The following PCDHGA3 variants were observed in gnomAD, a reference collection of about 807,000 sequenced individuals.
PCDHGA3 encodes protocadherin gamma-A3.
PCDHGA3 carries 40 observed loss-of-function variants against 58.5 expected under a neutral mutation model. The observed-to-expected ratio is 0.68, with a 90% CI of 0.53 to 0.89. The LOEUF is 0.89. PCDHGA3 is among the 40% of genes least tolerant of loss of function. PCDHGA3 has a pLI of 0.00. For missense variants in PCDHGA3, 1,223 were observed against 1,195.9 expected, an observed-to-expected ratio of 1.02 and a Z score of -0.33; for synonymous variants, 530 against 525.7, an observed-to-expected ratio of 1.01 and a Z score of -0.11.
intron 1 of PCDHGA3, chr5:141,441,480 T>A (rs1679700290): frequency 5.9e-6 from 1 of 170,298 alleles, no homozygotes. Flanking sequence ...CCAACGACAA[T>A]GCTCTGGTTT....
At position 141,344,770 on chromosome 5, in the gene PCDHGA3, A is replaced by G. The variant is rs1199721120; in HGVS notation, c.737A>G (p.Glu246Gly). ...AACCCACCAATGTTTACTCAGCCTG[A>G]GTACCGTGTGAGTGTTTGGGAGAAC... ...NDNPPMFTQP[E>G]YRVSVWENVP... is the part of the protein sequence containing the mutation. Residue 246 changes from glutamate (E) to glycine (G), a missense_variant, in exon 1 of 4, where the codon GAG (glutamate) becomes GGG (glycine). This residue lies in a region of PCDHGA3 where 791 missense variants were observed against 708.5 expected (regional missense o/e 1.12). Coordinates refer to ENST00000253812, the MANE Select transcript of PCDHGA3 (RefSeq NM_018916.4). 1.2e-6 allele frequency: 2 copies of G among 1,613,984 alleles called. No homozygotes were observed. Among genetic ancestry groups the G allele is most frequent in the East Asian group, 2.2e-5 (1 of 44,886 alleles).
intron 1 of PCDHGA3, chr5:141,430,556 C>A (rs1479639096): frequency 9.7e-6 from 4 of 413,394 alleles, no homozygotes; most frequent in African/African-American, 2.1e-5. Flanking sequence ...GTTCACCAAT[C>A]GGGGAGAGAA....
At chr5:141,403,131 C>A (rs1377543238) in intron 1 of PCDHGA3, 2 of 1,613,916 alleles carry the variant, frequency 1.2e-6, no homozygotes, top group East Asian at 4.5e-5. Context: ...CGGGAGCTGG[C>A]GGAGCGCCGA....
At chr5:141,410,722 ATCC>A (rs2154543211) in intron 1 of PCDHGA3, 21 of 1,396,054 alleles carry the variant, frequency 1.5e-5, no homozygotes, top group Non-Finnish European at 2.0e-5. Context: ...TATGTTTAAA[ATCC>A]ATAGCTTTTT....
intron 1 of PCDHGA3, among the ~76,000 whole-genome samples, chr5:141,438,621 TATATATATATATATAC>T (rs1472935962): frequency 0.016 from 652 of 41,356 alleles, 15 homozygotes; most frequent in East Asian, 0.15. Flanking sequence ...TATATATATA[TATATATATATATATAC>T]ACACACACAC....
intron 1 of PCDHGA3, among the ~76,000 whole-genome samples, chr5:141,465,966 C>T (rs904439039): frequency 5.3e-5 from 8 of 151,802 alleles, no homozygotes; most frequent in Non-Finnish European, 1.0e-4. Context: ...ACTAAAAATA[C>T]AAAAAATTAG....
At position 141,490,027 on chromosome 5, in the gene PCDHGA3, C is replaced by T. The variant is rs767829552; in HGVS notation, c.2425-4780C>T. Reference sequence around the variant, plus strand: ...TGCACCCATTGGTACTCTGCTGCTCCGCCTCAATGCCACTGATCCAGACGA... The same window carrying T: ...TGCACCCATTGGTACTCTGCTGCTCTGCCTCAATGCCACTGATCCAGACGA... On this transcript the variant is annotated intron_variant, in intron 1 of 3. Coordinates refer to ENST00000253812, the MANE Select transcript of PCDHGA3 (RefSeq NM_018916.4). This position sits in a 1 kb window ranked among gnomAD's most constrained non-coding sequence, Gnocchi z 5.4. The T allele has an allele frequency of 2.4e-5, 39 of 1,614,096 alleles. No homozygotes were observed. The highest frequency in any genetic ancestry group is 4.0e-5 in the African/African-American group (3 of 74,942).
chr5:141,419,447 C>T (rs754931078), intron 1 of PCDHGA3: 8 of 1,613,016 alleles, frequency 5.0e-6, no homozygotes, highest in Non-Finnish European at 4.2e-6. Flanking sequence ...CACCTTCGAG[C>T]TCACGCTGCA....
At position 141,448,827 on chromosome 5, in the gene PCDHGA3, C is replaced by T. The variant is rs540550537; in HGVS notation, c.2425-45980C>T. ...AGGCGTGATGGCGGGCGCCTGTAGT[C>T]CCAGCTACTCTGGAGGCTGAGGCAG... On this transcript the variant is annotated intron_variant, in intron 1 of 3. Transcript: ENST00000253812. Among the ~76,000 whole-genome samples the T allele has an allele frequency of 1.6e-4, 25 of 152,108 alleles. No homozygotes were observed. In the South Asian group the frequency reaches 4.2e-3, roughly 25 times the overall value.
intron 2 of PCDHGA3, among the ~76,000 whole-genome samples, chr5:141,495,507 C>T (rs1380258502): frequency 6.6e-6 from 1 of 152,188 alleles, no homozygotes; most frequent in African/African-American, 2.4e-5. Context: ...TCCGTCTTTG[C>T]CACTTTCTCT....
Position 141,422,340 on chromosome 5 carries a change from T to C in PCDHGA3, c.2425-72467T>C, listed in dbSNP as rs776306472. ...CAGGTACAGTGATTGCTCTTCTAAA[T>C]GTGCAAGATCAAGATTCTGGAGAAA... On this transcript the variant is annotated intron_variant, in intron 1 of 3. Transcript: ENST00000253812. 2.6e-6 allele frequency: 4 copies of C among 1,550,190 alleles called. 1 individual carries two copies. Among genetic ancestry groups the C allele is most frequent in the Non-Finnish European group, 3.5e-6 (4 of 1,154,238 alleles).
In PCDHGA3 at chr5:141,408,237, G is replaced by C. The variant is rs1445060280; in HGVS notation, c.2424+61780G>C. 3.2e-6 allele frequency: 5 copies of C among 1,575,002 alleles called. No individual in the cohort carries two copies. In the South Asian group the frequency reaches 4.6e-5, roughly 14 times the overall value. On this transcript the variant is annotated intron_variant, in intron 1 of 3. Transcript: ENST00000253812. ...AGCTGCGCGCAGAGGCGCCGGGCCG[G>C]CCCGCGGCAGGTGCTATTTCCTTTG...
At chr5:141,506,735 G>A (rs1467217136) in intron 3 of PCDHGA3, among the ~76,000 whole-genome samples, 1 of 152,098 alleles carries the variant, frequency 6.6e-6, no homozygotes, top group Non-Finnish European at 1.5e-5. Context: ...TTAGAATAAT[G>A]CCTATTAATA....
At chr5:141,464,279 C>CAA (rs373828487) in intron 1 of PCDHGA3, among the ~76,000 whole-genome samples, 8,568 of 137,664 alleles carry the variant, frequency 0.062, 499 homozygotes, top group African/African-American at 0.16. Context: ...AAAAAAAAAG[C>CAA]AAAAAAAAAA....
chr5:141,474,412 C>T (rs1282336092), intron 1 of PCDHGA3, among the ~76,000 whole-genome samples: 2 of 152,220 alleles, frequency 1.3e-5, no homozygotes, highest in African/African-American at 2.4e-5. Context: ...CCGGTGATGC[C>T]TAGACCATTG....
chr5:141,357,514 C>T (rs563793307), intron 1 of PCDHGA3: 19 of 1,614,136 alleles, frequency 1.2e-5, no homozygotes, highest in Non-Finnish European at 1.6e-5. Flanking sequence ...GATCTTCTCC[C>T]AACCCAGCTA....
chr5:141,355,157 C>T (rs1220655708), intron 1 of PCDHGA3: 1 of 1,555,036 alleles, frequency 6.4e-7, no homozygotes, highest in Non-Finnish European at 8.7e-7. Context: ...CAGGCCTCGA[C>T]AGAGGGAAAA....
intron 1 of PCDHGA3, among the ~76,000 whole-genome samples, chr5:141,460,252 A>T (rs1342135416): frequency 6.6e-6 from 1 of 151,974 alleles, no homozygotes; most frequent in African/African-American, 2.4e-5. Flanking sequence ...AATTTTGATA[A>T]AGCCCAATTT....
chr5:141,448,204 C>G (rs757249025), intron 1 of PCDHGA3, among the ~76,000 whole-genome samples: 28 of 152,124 alleles, frequency 1.8e-4, no homozygotes, highest in South Asian at 4.1e-4. Flanking sequence ...CAAACATTTT[C>G]TGTGTGTATG....
Sources: gnomAD v4.1 joint callset for allele counts (sites outside exome capture counted in the v4.1 genomes callset) on GRCh38, gnomAD v4.1.1 for gene constraint, gnomAD v4.1.1 regional missense constraint, Gnocchi (gnomAD v3.1) non-coding constraint, MANE v1.5 for transcripts, NCBI Gene and HGNC (gene_info 2026-07-23, HGNC 2026-07-21) for gene names.